The following PARD3 variants were observed in gnomAD, a reference collection of about 807,000 sequenced individuals.
PARD3 encodes the protein par-3 family cell polarity regulator.
PARD3 carries 75 observed loss-of-function variants against 155.4 expected under a neutral mutation model. That is an observed-to-expected ratio of 0.48 (90% CI 0.40 to 0.58). PARD3 has a LOEUF of 0.58. Among genes scored for constraint, PARD3 ranks in the 20% least tolerant of loss-of-function variants. PARD3 has a pLI of 0.00. For synonymous variants in PARD3, 576 were observed against 610.5 expected (o/e 0.94, Z 0.83); for missense variants, 1,642 against 1,721.7 (o/e 0.95, Z 0.82).
At chr10:34,187,493 G>GA (rs572811934) in intron 22 of PARD3, among the ~76,000 whole-genome samples, 188 of 152,230 alleles carry the variant, frequency 1.2e-3, no homozygotes, top group African/African-American at 4.3e-3. Context: ...TCACAGGGGG[G>GA]AAAAATCAAA....
At chr10:34,747,546 A>T (rs1264092153) in intron 1 of PARD3, among the ~76,000 whole-genome samples, 7 of 152,252 alleles carry the variant, frequency 4.6e-5, no homozygotes, top group Non-Finnish European at 1.0e-4. Context: ...TCAACTAAAA[A>T]TGAAAAGTTT....
intron 23 of PARD3, among the ~76,000 whole-genome samples, chr10:34,125,347 G>A (rs910688520): frequency 6.6e-6 from 1 of 152,126 alleles, no homozygotes; most frequent in African/African-American, 2.4e-5. Context: ...TTATAGGAGT[G>A]AGCCACCGTG....
intron 22 of PARD3, among the ~76,000 whole-genome samples, chr10:34,236,718 T>G (rs1320801426): frequency 6.6e-6 from 1 of 152,136 alleles, no homozygotes; most frequent in Non-Finnish European, 1.5e-5. Context: ...TGTGAAATTT[T>G]CAAAAGTTTT....
At chr10:34,413,075 G>C (rs1369383993) in intron 5 of PARD3, among the ~76,000 whole-genome samples, 1 of 151,452 alleles carries the variant, frequency 6.6e-6, no homozygotes, top group Non-Finnish European at 1.5e-5. Context: ...ATAGACTAGG[G>C]TGAAGTGGGT....
chr10:34,750,895 GC>G (rs1452867808), intron 1 of PARD3, among the ~76,000 whole-genome samples: 1 of 152,066 alleles, frequency 6.6e-6, no homozygotes, highest in Non-Finnish European at 1.5e-5. Context: ...TGCCATGTTG[GC>G]CAGGCTGGTC....
chr10:34,230,779 G>A (rs1952881807), intron 22 of PARD3, among the ~76,000 whole-genome samples: 1 of 152,156 alleles, frequency 6.6e-6, no homozygotes, highest in Non-Finnish European at 1.5e-5. Context: ...CATAATCCCA[G>A]TGCTTTGGGA....
At chr10:34,425,048 A>G (rs1434065284) in intron 5 of PARD3, among the ~76,000 whole-genome samples, 1 of 152,048 alleles carries the variant, frequency 6.6e-6, no homozygotes, top group African/African-American at 2.4e-5. Context: ...TAATGTCTCA[A>G]TCATATGAAA....
chr10:34,147,723 A>G (rs1183327019), intron 22 of PARD3, among the ~76,000 whole-genome samples: 1 of 152,006 alleles, frequency 6.6e-6, no homozygotes, highest in Non-Finnish European at 1.5e-5. Flanking sequence ...CTTTATATAT[A>G]TAATTTTTTA....
chr10:34,748,531 C>T (rs1835591616), intron 1 of PARD3, among the ~76,000 whole-genome samples: 1 of 152,072 alleles, frequency 6.6e-6, no homozygotes, highest in African/African-American at 2.4e-5. Flanking sequence ...GTCACCTCCA[C>T]ATCCTCCCCT....
intron 14 of PARD3, among the ~76,000 whole-genome samples, chr10:34,356,220 A>G (rs1838863345): frequency 6.6e-6 from 1 of 152,130 alleles, no homozygotes; most frequent in African/African-American, 2.4e-5. Flanking sequence ...GGGCTTTAAC[A>G]TAATACCTAG....
At chr10:34,558,879 G>A (rs1045009077) in intron 2 of PARD3, among the ~76,000 whole-genome samples, 1 of 152,152 alleles carries the variant, frequency 6.6e-6, no homozygotes, top group South Asian at 2.1e-4. Flanking sequence ...CCTGGGAGGC[G>A]GAGGTTGCAG....
chr10:34,135,191 G>C (rs1947828071), intron 22 of PARD3, among the ~76,000 whole-genome samples: 1 of 152,198 alleles, frequency 6.6e-6, no homozygotes. Flanking sequence ...ATGCTGAGAG[G>C]AACAGAGAGA....
At chr10:34,229,065 C>T (rs573899774) in intron 22 of PARD3, among the ~76,000 whole-genome samples, 1 of 152,156 alleles carries the variant, frequency 6.6e-6, no homozygotes, top group East Asian at 1.9e-4. Flanking sequence ...GCCTCCAAAC[C>T]TCCAGCAACT....
At chr10:34,200,219 T>C (rs1951146650) in intron 22 of PARD3, among the ~76,000 whole-genome samples, 3 of 152,194 alleles carry the variant, frequency 2.0e-5, no homozygotes, top group Non-Finnish European at 4.4e-5. Flanking sequence ...CATGGAAGAA[T>C]ATAGCTTATA....
chr10:34,720,819 A>G (rs574784530), intron 1 of PARD3, among the ~76,000 whole-genome samples: 6 of 152,254 alleles, frequency 3.9e-5, no homozygotes, highest in Admixed American at 2.0e-4. Context: ...AGAATTCTTA[A>G]CCCACCTAAA....
intron 20 of PARD3, among the ~76,000 whole-genome samples, chr10:34,308,698 A>G (rs1957539641): frequency 6.6e-6 from 1 of 152,204 alleles, no homozygotes; most frequent in Admixed American, 6.5e-5. Context: ...CTACAAATGA[A>G]GAGTTCCAAG....
chr10:34,438,021 C>G lies in PARD3; in HGVS notation c.714+12296G>C, dbSNP rs536929856. Among the ~76,000 whole-genome samples the G allele has an allele frequency of 5.5e-4, 84 of 152,272 alleles. 1 individual carries two copies. Among genetic ancestry groups the G allele is most frequent in the Admixed American group, 5.4e-3 (83 of 15,288 alleles). ...CATAAGTAGCTCATAGCAGCTCTTA[C>G]CCTCTGCCCCCTCACTCCCTCTACA... On this transcript the variant is annotated intron_variant, in intron 5 of 24. Coordinates refer to ENST00000374788, the MANE Select transcript of PARD3 (RefSeq NM_001184785.2).
chr10:34,701,597 A>G (rs1265188421), intron 1 of PARD3, among the ~76,000 whole-genome samples: 3 of 152,128 alleles, frequency 2.0e-5, no homozygotes, highest in Non-Finnish European at 4.4e-5. Context: ...AGAACACCGG[A>G]ACAAGGATGG....
intron 22 of PARD3, among the ~76,000 whole-genome samples, chr10:34,204,534 A>G (rs1005364483): frequency 6.6e-6 from 1 of 152,146 alleles, no homozygotes; most frequent in Non-Finnish European, 1.5e-5. Flanking sequence ...TCAGGGCCCC[A>G]ATCCTCCATA....
Sources: allele counts gnomAD v4.1 joint callset (sites outside exome capture counted in the v4.1 genomes callset), GRCh38; gene constraint gnomAD v4.1.1; transcripts MANE v1.5; gene names NCBI Gene and HGNC (gene_info 2026-07-23, HGNC 2026-07-21).